PLAC1: variants seen among roughly 807,000 people sequenced by gnomAD.
PLAC1 encodes the protein placenta associated 1, also known as placenta-specific protein 1.
For synonymous variants in PLAC1, 68 were observed against 62.1 expected, an observed-to-expected ratio of 1.09 and a Z score of -0.44; for missense variants, 136 against 163.2, an observed-to-expected ratio of 0.83 and a Z score of 0.91.
chrX:134,567,654 A>G (rs1374500786), intron 2 of PLAC1, among the ~76,000 whole-genome samples: 1 of 107,942 alleles, frequency 9.3e-6, no homozygotes, highest in Non-Finnish European at 1.9e-5. Flanking sequence ...GCTACTCGGG[A>G]GGCTGAGGTG....
At chrX:134,658,180 A>G (rs1482544456) in intron 1 of PLAC1, 148 bp downstream of exon 1, 2 of 112,618 alleles carry the variant, frequency 1.8e-5, no homozygotes, top group East Asian at 5.6e-4. Context: ...ATCTGGCCCC[A>G]TCTGGGAAAC....
intron 1 of PLAC1, among the ~76,000 whole-genome samples, chrX:134,738,724 T>C (rs1258293960): frequency 1.8e-5 from 2 of 112,443 alleles, no homozygotes; most frequent in African/African-American, 3.2e-5. Flanking sequence ...CAAGTTATCT[T>C]CCAGGGGAGC....
At chrX:134,721,045 A>G (rs969747511) in intron 2 of PLAC1, among the ~76,000 whole-genome samples, 1 of 112,858 alleles carries the variant, frequency 8.9e-6, no homozygotes, top group Admixed American at 9.4e-5. Context: ...TGCAAGTCAT[A>G]TATCTGATAA....
chrX:134,640,348 G>A (rs999663145), intron 1 of PLAC1, among the ~76,000 whole-genome samples: 8 of 111,032 alleles, frequency 7.2e-5, no homozygotes, highest in Non-Finnish European at 1.1e-4. Context: ...TTTCTGGGGG[G>A]TCCAATCAAT....
In PLAC1 at chrX:134,682,302, G is replaced by A. The variant is rs752101200; in HGVS notation, n.174+51133C>T. Among the ~76,000 whole-genome samples, 20 of 111,979 alleles carry A rather than the reference G, an allele frequency of 1.8e-4. 1 individual carries two copies. Among genetic ancestry groups the A allele is most frequent in the Non-Finnish European group, 9.4e-5 (5 of 53,198 alleles). ...TGTTCTGTGCTTCTATAATTAAACC[G>A]GATTTAGTTTGTCTGGTAGCAGGAA... On this transcript the variant is annotated intron_variant and non_coding_transcript_variant, in intron 2 of 2. Transcript: ENST00000466797.
At chrX:134,682,851 C>T (rs866041159) in intron 2 of PLAC1, among the ~76,000 whole-genome samples, 16 of 111,500 alleles carry the variant, frequency 1.4e-4, no homozygotes, top group Non-Finnish European at 2.6e-4. Flanking sequence ...CCACCATGCC[C>T]GGCCTCTATC....
intron 2 of PLAC1, among the ~76,000 whole-genome samples, chrX:134,730,587 G>A (rs966254554): frequency 6.3e-5 from 7 of 111,058 alleles, no homozygotes; most frequent in Admixed American, 1.9e-4. Flanking sequence ...TAGGACTATA[G>A]TTGTGCGCCA....
At chrX:134,598,763 G>C (rs2078073618) in intron 2 of PLAC1, among the ~76,000 whole-genome samples, 1 of 111,587 alleles carries the variant, frequency 9.0e-6, no homozygotes, top group African/African-American at 3.3e-5. Flanking sequence ...TGTTTGTGGG[G>C]GATGAAATTC....
upstream of PLAC1, among the ~76,000 whole-genome samples, chrX:134,660,819 C>T (rs192658994): frequency 1.9e-4 from 21 of 111,967 alleles, no homozygotes; most frequent in African/African-American, 5.8e-4. Flanking sequence ...GTATCAGCCT[C>T]TGGAGCCTGC....
chrX:134,592,255 A>G (rs1020298922), intron 2 of PLAC1, among the ~76,000 whole-genome samples: 9 of 112,015 alleles, frequency 8.0e-5, no homozygotes, highest in Non-Finnish European at 1.3e-4. Context: ...AAACATTTTA[A>G]AATAGTTTTT....
At chrX:134,653,935 C>T (rs1289373757) in intron 1 of PLAC1, among the ~76,000 whole-genome samples, 1 of 111,773 alleles carries the variant, frequency 8.9e-6, no homozygotes, top group Non-Finnish European at 1.9e-5. Flanking sequence ...CAGTTCAGTC[C>T]AGATCTGGTT....
chrX:134,730,379 T>C (rs1198415755), intron 2 of PLAC1, among the ~76,000 whole-genome samples: 1 of 111,697 alleles, frequency 9.0e-6, no homozygotes, highest in Non-Finnish European at 1.9e-5. Context: ...GGTGCTGAAA[T>C]CCCTAGAGTT....
chrX:134,609,557 A>G (rs1342267008), intron 1 of PLAC1, among the ~76,000 whole-genome samples: 1 of 112,341 alleles, frequency 8.9e-6, no homozygotes, highest in Non-Finnish European at 1.9e-5. Context: ...AATGTAGGCA[A>G]TCAGTTGAAG....
intron 2 of PLAC1, among the ~76,000 whole-genome samples, chrX:134,672,627 G>A (rs1044558205): frequency 8.9e-6 from 1 of 112,228 alleles, no homozygotes; most frequent in Non-Finnish European, 1.9e-5. Flanking sequence ...ACCTCAATAA[G>A]AACTGATGAT....
At position 134,577,114 on chromosome X, in the gene PLAC1, T is replaced by C. The variant is rs188450507; in HGVS notation, c.-58-10374A>G. ...TAAATTCCATTTAGAATTAGAAATATGATGAAGCAACAAGGAATAGAGACA... is the reference window on the plus strand; with the variant it reads ...TAAATTCCATTTAGAATTAGAAATACGATGAAGCAACAAGGAATAGAGACA... On this transcript the variant is annotated intron_variant, in intron 2 of 2. Coordinates refer to ENST00000359237, the MANE Select transcript of PLAC1 (RefSeq NM_021796.4). 9.2e-4 allele frequency among the ~76,000 whole-genome samples: 103 copies of C among 112,014 alleles called. 1 individual carries two copies. In the Admixed American group the frequency reaches 9.7e-3, roughly 11 times the overall value.
chrX:134,708,787 G>A (rs760432474), intron 2 of PLAC1, among the ~76,000 whole-genome samples: 2 of 111,208 alleles, frequency 1.8e-5, no homozygotes, highest in East Asian at 2.8e-4. Flanking sequence ...ATCCGCCCAC[G>A]TCGGCCTCCC....
intron 1 of PLAC1, among the ~76,000 whole-genome samples, chrX:134,653,639 T>A (rs2078374884): frequency 9.0e-6 from 1 of 110,803 alleles, no homozygotes; most frequent in African/African-American, 3.3e-5. Context: ...GCTTCATGGG[T>A]CTGTGGGCAC....
chrX:134,700,738 T>C (rs2078580129), intron 2 of PLAC1, among the ~76,000 whole-genome samples: 1 of 111,625 alleles, frequency 9.0e-6, no homozygotes, highest in African/African-American at 3.3e-5. Flanking sequence ...ACCAAAGACA[T>C]GAAAGATCTC....
At chrX:134,635,735 C>T (rs756108059) in intron 1 of PLAC1, among the ~76,000 whole-genome samples, 17 of 111,871 alleles carry the variant, frequency 1.5e-4, no homozygotes, top group Non-Finnish European at 3.0e-4. Context: ...AATGCACTTC[C>T]CTGCACTTTG....
Sources: allele counts gnomAD v4.1 joint callset (sites outside exome capture counted in the v4.1 genomes callset), GRCh38; gene constraint gnomAD v4.1.1; transcripts MANE v1.5; gene names NCBI Gene and HGNC (gene_info 2026-07-23, HGNC 2026-07-21).